Variants in CERT1 observed in about 807,000 individuals in gnomAD.
The protein encoded by CERT1 is ceramide transporter 1.
A neutral mutation model predicts 87.9 loss-of-function variants in CERT1; 31 were observed. The ratio of observed to expected loss-of-function variants is 0.35; its 90% CI spans 0.27 to 0.48. The LOEUF (loss-of-function observed/expected upper bound fraction) is 0.48. Ranked by LOEUF, CERT1 falls within the 20% of genes least tolerant of loss-of-function variation. CERT1 has a pLI of 0.99. For missense variants in CERT1, 487 were observed against 758.0 expected, an observed-to-expected ratio of 0.64 and a Z score of 4.20; for synonymous variants, 289 against 250.9, an observed-to-expected ratio of 1.15 and a Z score of -1.44.
chr5:75,506,236 A>G, intron 1 of CERT1, 120 bp from the exon 2 acceptor site: 1 of 849,172 alleles, frequency 1.2e-6, no homozygotes, highest in Non-Finnish European at 1.8e-6. Context: ...GTCCAACTTA[A>G]TTCTAAGCAT....
intron 2 of CERT1, among the ~76,000 whole-genome samples, chr5:75,490,502 T>A (rs1766735292): frequency 7.7e-6 from 1 of 129,316 alleles, no homozygotes; most frequent in Non-Finnish European, 1.8e-5. Context: ...AATTTTTATT[T>A]ATTTATTTTT....
At chr5:75,397,755 T>C (rs1373328759) in intron 11 of CERT1, among the ~76,000 whole-genome samples, 2 of 152,186 alleles carry the variant, frequency 1.3e-5, no homozygotes, top group African/African-American at 4.8e-5. Context: ...GCATGGTGGC[T>C]CACACCTGTA....
At chr5:75,483,518 A>C (rs986937199) in intron 2 of CERT1, among the ~76,000 whole-genome samples, 4 of 152,202 alleles carry the variant, frequency 2.6e-5, no homozygotes, top group Non-Finnish European at 2.9e-5. Context: ...ATATGAACAT[A>C]TAAGAAGGTT....
At chr5:75,509,994 C>G (rs1197984854) in intron 1 of CERT1, among the ~76,000 whole-genome samples, 1 of 152,224 alleles carries the variant, frequency 6.6e-6, no homozygotes, top group Non-Finnish European at 1.5e-5. Context: ...GTTCTGACTA[C>G]TCATGCCTTT....
chr5:75,438,275 C>T (rs566984779), intron 3 of CERT1, among the ~76,000 whole-genome samples: 3 of 152,220 alleles, frequency 2.0e-5, no homozygotes, highest in Admixed American at 2.0e-4. Context: ...GAAAAGTTAT[C>T]AAACTGTTCT....
intron 9 of CERT1, chr5:75,402,540 A>T (rs565043361): frequency 6.5e-6 from 1 of 154,082 alleles, no homozygotes; most frequent in Admixed American, 6.4e-5. Context: ...CATGCCTGTA[A>T]TCAATCCCAG....
Position 75,379,307 on chromosome 5 carries a change from T to C in CERT1, c.*39A>G, listed in dbSNP as rs1431715518. 16 of 1,545,342 alleles carry C rather than the reference T, an allele frequency of 1.0e-5. No homozygotes were observed. Among genetic ancestry groups the C allele is most frequent in the Non-Finnish European group, 1.4e-5 (16 of 1,137,088 alleles). The stretch of plus-strand genomic sequence containing the variant: ...GACAGTCATATTAGTCAAATAAAGT[T>C]AAAAAAAGATAAAACATATCTTCTA... On this transcript the variant is annotated 3_prime_UTR_variant, in exon 17 of 17. Coordinates refer to ENST00000643780, the MANE Select transcript of CERT1 (RefSeq NM_001379029.1).
Position 75,511,112 on chromosome 5 carries a change from C to G in CERT1, c.96G>C (p.Lys32Asn), listed in dbSNP as rs1172102395. 6.3e-7 allele frequency: 1 copy of G among 1,575,246 alleles called. No homozygotes were observed. The highest frequency in any genetic ancestry group is 8.6e-7 in the Non-Finnish European group (1 of 1,161,284). ...TCCCTTGGCACCAGGGGTTGCTCACCTTACTGAGGACCCCGCAGCGCTCCA... is the reference window on the plus strand; with the variant it reads ...TCCCTTGGCACCAGGGGTTGCTCACGTTACTGAGGACCCCGCAGCGCTCCA... ...PPVERCGVLSKWTNYIHGWQD... is the reference protein window; with the variant it reads ...PPVERCGVLSNWTNYIHGWQD... The change falls in exon 1 of 17, where the codon AAG becomes AAC. Residue 32 changes from lysine to asparagine, a missense_variant and splice_region_variant. Physicochemically the swap from Lys to Asn is moderately conservative, Grantham distance 94. Coordinates refer to ENST00000643780, the MANE Select transcript of CERT1 (RefSeq NM_001379029.1).
At position 75,426,480 on chromosome 5, in the gene CERT1, T is replaced by TAA; in HGVS notation, c.349-4_349-3dup. On this transcript the variant is annotated splice_region_variant and splice_polypyrimidine_tract_variant and intron_variant, in intron 3 of 16. Coordinates refer to ENST00000643780, the MANE Select transcript of CERT1 (RefSeq NM_001379029.1). Reference sequence around the variant, plus strand: ...TTCAGATCCATATCCAGATTCAGTCTAAAAAAAAAAGTAAACTATGTGAAA... The same window carrying TAA: ...TTCAGATCCATATCCAGATTCAGTCTAAAAAAAAAAAAGTAAACTATGTGAAA... The TAA allele has an allele frequency of 3.8e-5, 52 of 1,380,034 alleles. No homozygotes were observed. Among genetic ancestry groups the TAA allele is most frequent in the South Asian group, 6.9e-5 (5 of 72,236 alleles). The allele number at this position is 1,380,034 out of a possible 1,614,324, so 85.5% of individuals were successfully genotyped here.
chr5:75,471,335 C>T (rs185221358), intron 2 of CERT1, among the ~76,000 whole-genome samples: 131 of 152,214 alleles, frequency 8.6e-4, no homozygotes, highest in African/African-American at 3.1e-3. Flanking sequence ...AATTATTATA[C>T]AAGGGTAACT....
intron 11 of CERT1, among the ~76,000 whole-genome samples, chr5:75,390,582 G>T (rs2112036210): frequency 6.6e-6 from 1 of 152,146 alleles, no homozygotes; most frequent in South Asian, 2.1e-4. Flanking sequence ...AGAATTCTCA[G>T]ATTTATTGGA....
At chr5:75,463,506 C>T (rs753806506) in intron 2 of CERT1, among the ~76,000 whole-genome samples, 2 of 152,184 alleles carry the variant, frequency 1.3e-5, no homozygotes, top group Non-Finnish European at 2.9e-5. Context: ...TGAATAAATC[C>T]ATGGCACTTA....
chr5:75,435,829 C>CT (rs925635772), intron 3 of CERT1, among the ~76,000 whole-genome samples: 5 of 152,090 alleles, frequency 3.3e-5, no homozygotes, highest in African/African-American at 4.8e-5. Flanking sequence ...TAAAAACACT[C>CT]TGATGGGGAC....
At chr5:75,421,814 TACTC>T (rs1763390246) in intron 5 of CERT1, among the ~76,000 whole-genome samples, 1 of 152,222 alleles carries the variant, frequency 6.6e-6, no homozygotes, top group Non-Finnish European at 1.5e-5. Flanking sequence ...AACAGTTTGT[TACTC>T]ACTCTTCAAC....
At chr5:75,423,756 C>T (rs1185282201) in intron 5 of CERT1, among the ~76,000 whole-genome samples, 1 of 152,144 alleles carries the variant, frequency 6.6e-6, no homozygotes, top group African/African-American at 2.4e-5. Context: ...TACTTGAAGG[C>T]AGACTGTGGT....
At chr5:75,492,669 T>C (rs933904561) in intron 2 of CERT1, among the ~76,000 whole-genome samples, 2 of 152,208 alleles carry the variant, frequency 1.3e-5, no homozygotes, top group African/African-American at 2.4e-5. Flanking sequence ...ATTTGAACTT[T>C]TACATCGATT....
chr5:75,474,954 A>T (rs1348569797), intron 2 of CERT1, among the ~76,000 whole-genome samples: 1 of 151,872 alleles, frequency 6.6e-6, no homozygotes, highest in African/African-American at 2.4e-5. Flanking sequence ...ATTATCATCC[A>T]CTGGGCAGGC....
intron 3 of CERT1, among the ~76,000 whole-genome samples, chr5:75,456,876 T>C (rs1045756719): frequency 8.5e-5 from 13 of 152,110 alleles, no homozygotes; most frequent in African/African-American, 1.4e-4. Flanking sequence ...ACTTCGTGCA[T>C]TAATCTTCAC....
intron 3 of CERT1, among the ~76,000 whole-genome samples, chr5:75,445,600 C>A (rs1397859972): frequency 4.6e-5 from 7 of 152,188 alleles, no homozygotes; most frequent in Non-Finnish European, 8.8e-5. Flanking sequence ...GCTAGGACTA[C>A]AGGCACACAC....
Sources: gnomAD v4.1 joint callset for allele counts (sites outside exome capture counted in the v4.1 genomes callset) on GRCh38, gnomAD v4.1.1 for gene constraint, MANE v1.5 for transcripts, NCBI Gene and HGNC (gene_info 2026-07-23, HGNC 2026-07-21) for gene names.